The following MTA3 variants were observed in gnomAD, a reference collection of about 807,000 sequenced individuals.
MTA3 encodes metastasis associated 1 family member 3.
In MTA3, 34 loss-of-function variants were observed where a neutral mutation model predicts 83.5. That is an observed-to-expected ratio of 0.41 (90% confidence interval 0.31 to 0.54). The LOEUF (loss-of-function observed/expected upper bound fraction) is 0.54. Among genes scored for constraint, MTA3 ranks in the 20% least tolerant of loss-of-function variants. The pLI is 0.33. For missense variants in MTA3, 761 were observed against 726.4 expected (o/e 1.05, Z -0.55); for synonymous variants, 303 against 252.7 (o/e 1.20, Z -1.89).
intron 6 of MTA3, among the ~76,000 whole-genome samples, chr2:42,651,880 G>A (rs1368512760): frequency 6.6e-6 from 1 of 151,742 alleles, no homozygotes; most frequent in Non-Finnish European, 1.5e-5. Flanking sequence ...GATCGCCTGA[G>A]GTCAGGAGTT....
chr2:42,732,009 CT>C (rs1356216653), intron 16 of MTA3, among the ~76,000 whole-genome samples: 1 of 152,188 alleles, frequency 6.6e-6, no homozygotes, highest in African/African-American at 2.4e-5. Context: ...TCTCCTTTGA[CT>C]CCGGGTCTCA....
At chr2:42,710,192 T>G (rs1032789821) in intron 14 of MTA3, among the ~76,000 whole-genome samples, 1 of 152,184 alleles carries the variant, frequency 6.6e-6, no homozygotes, top group Admixed American at 6.5e-5. Flanking sequence ...AAAGATAATT[T>G]TTAGCAGAAT....
chr2:42,555,183 G>T lies in MTA3; in HGVS notation c.-140-15254G>T, dbSNP rs116661781. Among the ~76,000 whole-genome samples, 291 of 151,966 alleles carry T rather than the reference G, an allele frequency of 1.9e-3. 2 individuals are homozygous for T. Among genetic ancestry groups the T allele is most frequent in the African/African-American group, 6.7e-3 (276 of 41,428 alleles). On this transcript the variant is annotated intron_variant, in intron 2 of 17. Coordinates refer to the MTA3 transcript ENST00000405592. ...AGCACAGTTATTTTGAGAAAAGGAG[G>T]CCGGACATTGTGGCTCATGCCTGTA... is the stretch of plus-strand genomic sequence containing the variant.
At chr2:42,594,193 C>T (rs187752187) in intron 3 of MTA3, among the ~76,000 whole-genome samples, 1 of 150,474 alleles carries the variant, frequency 6.6e-6, no homozygotes, top group Non-Finnish European at 1.5e-5. Context: ...TTCAGATGAT[C>T]CACCTGCCTT....
chr2:42,630,159 T>C (rs1297936762), intron 4 of MTA3, among the ~76,000 whole-genome samples: 2 of 152,222 alleles, frequency 1.3e-5, no homozygotes, highest in Non-Finnish European at 2.9e-5. Flanking sequence ...GGGCTCCCCA[T>C]ACACTTGATC....
At chr2:42,548,833 T>TTATATATATATAATATATATATATA in intron 2 of MTA3, among the ~76,000 whole-genome samples, 1 of 11,516 alleles carries the variant, frequency 8.7e-5, no homozygotes, top group African/African-American at 2.5e-4. Context: ...ATATATAATA[T>TTATATATATATAATATATATATATA]ATATATATAT....
chr2:42,586,513 C>CACACAA (rs754878356), intron 3 of MTA3, among the ~76,000 whole-genome samples: 2 of 131,668 alleles, frequency 1.5e-5, no homozygotes, highest in African/African-American at 5.5e-5. Context: ...CACACACACA[C>CACACAA]AAACACACAA....
At chr2:42,616,572 CTTTTTT>C (rs70963338) in intron 4 of MTA3, among the ~76,000 whole-genome samples, 16 of 56,210 alleles carry the variant, frequency 2.8e-4, no homozygotes, top group Non-Finnish European at 1.8e-4. Flanking sequence ...TCTTCTTCTT[CTTTTTT>C]TTTTTTTTTT....
At chr2:42,624,587 A>C (rs1008979046) in intron 4 of MTA3, among the ~76,000 whole-genome samples, 2 of 152,088 alleles carry the variant, frequency 1.3e-5, no homozygotes, top group African/African-American at 4.8e-5. Context: ...CGGCCTCCCA[A>C]ATTGCTGGGA....
intron 11 of MTA3, among the ~76,000 whole-genome samples, chr2:42,699,539 A>G (rs1693678203): frequency 6.6e-6 from 1 of 152,222 alleles, no homozygotes; most frequent in African/African-American, 2.4e-5. Context: ...CAGAGGGACC[A>G]GTTATGAAGT....
rs117592234 is a variant in MTA3 at position 42,717,734 on chromosome 2, A to G, written c.1526-1254A>G. 3.9e-4 allele frequency among the ~76,000 whole-genome samples: 60 copies of G among 152,286 alleles called. 1 individual carries two copies. In the East Asian group the frequency reaches 0.01, roughly 25 times the overall value. On this transcript the variant is annotated intron_variant, in intron 14 of 16. Transcript: ENST00000405094. ...GTTAGAAAACCAGTGATAAAACCAA[A>G]TGGCCCATTATTACTCTTGCAAATC...
intron 14 of MTA3, among the ~76,000 whole-genome samples, chr2:42,712,161 T>C (rs1408500544): frequency 1.3e-5 from 2 of 151,744 alleles, no homozygotes; most frequent in Admixed American, 6.6e-5. Flanking sequence ...TTAAAGCAAA[T>C]AGTAAAAACA....
chr2:42,565,934 G>A (rs1027480871), upstream of MTA3, among the ~76,000 whole-genome samples: 1 of 152,160 alleles, frequency 6.6e-6, no homozygotes, highest in Non-Finnish European at 1.5e-5. Context: ...AGCCTCGGAG[G>A]TGGAGCTTGC....
intron 9 of MTA3, among the ~76,000 whole-genome samples, chr2:42,688,897 C>G (rs1157601954): frequency 6.6e-6 from 1 of 152,026 alleles, no homozygotes; most frequent in Non-Finnish European, 1.5e-5. Context: ...ACATCCTTTT[C>G]TTGTTCCTGT....
chr2:42,741,888 C>T (rs6756258), intron 16 of MTA3, among the ~76,000 whole-genome samples: 99,078 of 152,002 alleles, frequency 0.65, 32,584 homozygotes, highest in East Asian at 0.79. Context: ...TAGGTGAGCA[C>T]GTGCTGCTGG....
intron 14 of MTA3, among the ~76,000 whole-genome samples, chr2:42,713,189 C>G (rs991987060): frequency 6.6e-6 from 1 of 152,142 alleles, no homozygotes; most frequent in Non-Finnish European, 1.5e-5. Flanking sequence ...GATAACATAC[C>G]AGACTTGAAT....
At chr2:42,551,480 C>T (rs1451190784) in intron 2 of MTA3, among the ~76,000 whole-genome samples, 1 of 152,088 alleles carries the variant, frequency 6.6e-6, no homozygotes, top group Non-Finnish European at 1.5e-5. Context: ...CCTGAGTCAC[C>T]ACGCTGGCTT....
chr2:42,672,009 G>A (rs1573561644), intron 8 of MTA3, among the ~76,000 whole-genome samples: 1 of 152,134 alleles, frequency 6.6e-6, no homozygotes, highest in African/African-American at 2.4e-5. Context: ...TTTTCAGAGG[G>A]ATCATCACCT....
intron 6 of MTA3, among the ~76,000 whole-genome samples, chr2:42,649,386 A>G (rs1173207176): frequency 1.3e-5 from 2 of 151,560 alleles, no homozygotes; most frequent in African/African-American, 4.8e-5. Context: ...GCACTCCAGC[A>G]TGGGTGACAG....
Sources: gnomAD v4.1 joint callset for allele counts (sites outside exome capture counted in the v4.1 genomes callset) on GRCh38, gnomAD v4.1.1 for gene constraint, MANE v1.5 for transcripts, NCBI Gene and HGNC (gene_info 2026-07-23, HGNC 2026-07-21) for gene names.